The following ARFGEF1 variants were observed in gnomAD, a reference collection of about 807,000 sequenced individuals.
ARFGEF1 encodes the protein ARF guanine nucleotide exchange factor 1, also known as brefeldin A-inhibited guanine nucleotide-exchange protein 1.
A neutral mutation model predicts 231.0 loss-of-function variants in ARFGEF1; 42 were observed. The observed-to-expected ratio is 0.18, with a 90% CI of 0.14 to 0.24. The LOEUF (loss-of-function observed/expected upper bound fraction) is 0.24. Among genes scored for constraint, ARFGEF1 ranks in the 10% least tolerant of loss-of-function variants. ARFGEF1 has a pLI of 1.00. For synonymous variants in ARFGEF1, 710 were observed against 732.3 expected, an observed-to-expected ratio of 0.97 and a Z score of 0.49; for missense variants, 1,345 against 2,192.0, an observed-to-expected ratio of 0.61 and a Z score of 7.72.
chr8:67,207,857 A>T (rs1838576989), intron 34 of ARFGEF1, among the ~76,000 whole-genome samples: 2 of 152,184 alleles, frequency 1.3e-5, no homozygotes, highest in South Asian at 4.1e-4. Flanking sequence ...CTCGCCTAAA[A>T]GTCTTCCAGG....
chr8:67,201,134 C>T (rs919202711), intron 37 of ARFGEF1, among the ~76,000 whole-genome samples: 2 of 151,916 alleles, frequency 1.3e-5, no homozygotes, highest in African/African-American at 4.8e-5. Context: ...ATATTTTTTT[C>T]GAAGTAAATG....
chr8:67,266,939 AAATCGACACTAAGC>A lies in ARFGEF1; in HGVS notation c.1844_1857del (p.Cys615PhefsTer6). 2 of 1,613,692 alleles carry A rather than the reference AAATCGACACTAAGC, an allele frequency of 1.2e-6. No homozygotes were observed. Among genetic ancestry groups the A allele is most frequent in the South Asian group, 2.2e-5 (2 of 91,058 alleles). ...TTACTCCATTCAACCATACACTTCAAAATCGACACTAAGCATTCTAAACCTTTTTTCCTCAGGCT... is the reference window on the plus strand; with the variant it reads ...TTACTCCATTCAACCATACACTTCAAATTCTAAACCTTTTTTCCTCAGGCT... On this transcript the variant is annotated frameshift_variant, in exon 13 of 39. Transcript: ENST00000262215. LOFTEE classifies it high-confidence loss of function.
intron 19 of ARFGEF1, among the ~76,000 whole-genome samples, chr8:67,242,716 T>C (rs1184751306): frequency 6.6e-6 from 1 of 152,188 alleles, no homozygotes. Flanking sequence ...AAGTGGGCTC[T>C]TGGAGACCTT....
rs368247116 is a variant in ARFGEF1, at chr8:67,290,001, T to C, written c.916+1846A>G. On this transcript the variant is annotated intron_variant, in intron 6 of 38. Transcript: ENST00000262215. ...AACAGAACAGAATAACAATGACTAA[T>C]ATTTATTACATGTAGGAAATGCTTA... Among the ~76,000 whole-genome samples the C allele has an allele frequency of 2.6e-5, 4 of 152,208 alleles. No individual in the cohort carries two copies. In the East Asian group the frequency reaches 5.8e-4, roughly 22 times the overall value.
In ARFGEF1 at chr8:67,239,828, A is replaced by G. The variant is rs1325843345; in HGVS notation, c.2979+334T>C. Among the ~76,000 whole-genome samples the G allele has an allele frequency of 3.3e-5, 5 of 152,236 alleles. No individual in the cohort carries two copies. In the South Asian group the frequency reaches 8.3e-4, roughly 25 times the overall value. ...ATATAAAATATATACAACCTTGTAT[A>G]TAAACTATGATTCAACAAGATATTT... On this transcript the variant is annotated intron_variant, in intron 20 of 38. Coordinates refer to ENST00000262215, the MANE Select transcript of ARFGEF1 (RefSeq NM_006421.5).
intron 1 of ARFGEF1, among the ~76,000 whole-genome samples, chr8:67,312,655 T>C (rs572414676): frequency 6.6e-6 from 1 of 152,314 alleles, no homozygotes; most frequent in South Asian, 2.1e-4. Context: ...TATGGAAACA[T>C]ATAACACTAT....
At chr8:67,231,612 T>A (rs1839556593) in intron 23 of ARFGEF1, among the ~76,000 whole-genome samples, 1 of 152,070 alleles carries the variant, frequency 6.6e-6, no homozygotes, top group Non-Finnish European at 1.5e-5. Context: ...TGAAGATGAT[T>A]TTTCTGGAAG....
At chr8:67,299,095 G>A in intron 4 of ARFGEF1, 114 bp downstream of exon 4, 1 of 1,065,110 alleles carries the variant, frequency 9.4e-7, no homozygotes, top group Middle Eastern at 3.2e-4. Flanking sequence ...CGAATAACCT[G>A]TATTATAGCT....
intron 22 of ARFGEF1, among the ~76,000 whole-genome samples, chr8:67,236,534 G>T (rs1320714559): frequency 6.6e-6 from 1 of 151,552 alleles, no homozygotes; most frequent in Non-Finnish European, 1.5e-5. Context: ...GGCACAGGGG[G>T]ACAAGGGTAG....
In ARFGEF1 at chr8:67,295,062, A is replaced by G. The variant is rs1806170646; in HGVS notation, c.639+1369T>C. Among the ~76,000 whole-genome samples the G allele has an allele frequency of 2.0e-5, 3 of 152,220 alleles. No individual in the cohort carries two copies. The South Asian group carries it at 6.2e-4, about 31-fold the overall frequency. On this transcript the variant is annotated intron_variant, in intron 5 of 38. Coordinates refer to ENST00000262215, the MANE Select transcript of ARFGEF1 (RefSeq NM_006421.5). ...TTTGGGCAACAAAATAAGTAACTGT[A>G]GCACACATTACAACCATAAAATAAA...
chr8:67,277,234 T>C (rs747500926), intron 8 of ARFGEF1, 48 bp downstream of exon 8: 7 of 1,574,838 alleles, frequency 4.4e-6, no homozygotes, highest in African/African-American at 4.1e-5. Context: ...GCCTATAAAT[T>C]TGTAAGATTA....
intron 1 of ARFGEF1, among the ~76,000 whole-genome samples, chr8:67,308,494 C>A (rs1806847979): frequency 6.6e-6 from 1 of 152,168 alleles, no homozygotes; most frequent in Non-Finnish European, 1.5e-5. Flanking sequence ...TAAAATGCAG[C>A]TAGGGCTCTG....
chr8:67,251,221 T>A, intron 19 of ARFGEF1, 78 bp downstream of exon 19: 1 of 1,341,926 alleles, frequency 7.5e-7, no homozygotes, highest in Non-Finnish European at 9.8e-7. Flanking sequence ...ACTGTATCGC[T>A]TCCTTAACTT....
intron 1 of ARFGEF1, among the ~76,000 whole-genome samples, chr8:67,316,394 G>A (rs962096405): frequency 6.6e-6 from 1 of 151,884 alleles, no homozygotes; most frequent in African/African-American, 2.4e-5. Context: ...AAATATTAGG[G>A]GATAAAACAC....
chr8:67,238,432 C>T lies in ARFGEF1; in HGVS notation c.3200G>A (p.Arg1067Gln), dbSNP rs1250094954. Residue 1067 changes from arginine to glutamine, a missense_variant, in exon 22 of 39, where the codon CGA (arginine) becomes CAA (glutamine). Physicochemically the swap from Arg to Gln is conservative, Grantham distance 43 (BLOSUM62 1). Around this residue, in one of 14 missense-constraint regions of ARFGEF1, gnomAD observed 146 missense variants for 321.4 expected, o/e 0.45. Transcript: ENST00000262215. ...GCCTCGCACTGTTCCAGAAATGTATCGAGGTTTCACTCCAGTTCCTATAAG... is the reference window on the plus strand; with the variant it reads ...GCCTCGCACTGTTCCAGAAATGTATTGAGGTTTCACTCCAGTTCCTATAAG... ...AQLIGTGVKP[R>Q]YISGTVRGRE... 3 of 1,613,932 alleles carry T rather than the reference C, an allele frequency of 1.9e-6. No homozygotes were observed. The highest frequency in any genetic ancestry group is 2.2e-5 in the East Asian group (1 of 44,840).
At chr8:67,221,825 T>C (rs1379671654) in intron 29 of ARFGEF1, among the ~76,000 whole-genome samples, 8 of 151,510 alleles carry the variant, frequency 5.3e-5, no homozygotes, top group East Asian at 3.9e-4. Context: ...TTCTTTCTTT[T>C]TTTTTTGAGA....
intron 1 of ARFGEF1, among the ~76,000 whole-genome samples, chr8:67,308,759 TTA>T (rs1806861396): frequency 6.6e-6 from 1 of 152,192 alleles, no homozygotes; most frequent in African/African-American, 2.4e-5. Context: ...GGAAATTTTT[TTA>T]TTTTTTAATT....
At chr8:67,256,820 A>G (rs576762575) in intron 17 of ARFGEF1, among the ~76,000 whole-genome samples, 9 of 152,342 alleles carry the variant, frequency 5.9e-5, no homozygotes, top group African/African-American at 2.2e-4. Flanking sequence ...ACATTTCTAG[A>G]TATCAGGTAT....
chr8:67,331,441 C>T (rs906495181), intron 1 of ARFGEF1, among the ~76,000 whole-genome samples: 1 of 152,108 alleles, frequency 6.6e-6, no homozygotes, highest in African/African-American at 2.4e-5. Flanking sequence ...TGTGACAACA[C>T]AACTAGAAGG....
Sources: allele counts gnomAD v4.1 joint callset (sites outside exome capture counted in the v4.1 genomes callset), GRCh38; gene constraint gnomAD v4.1.1; regional missense constraint gnomAD v4.1.1; transcripts MANE v1.5; gene names NCBI Gene and HGNC (gene_info 2026-07-23, HGNC 2026-07-21).